ATL2: variants seen among roughly 807,000 people sequenced by gnomAD.
ATL2 encodes atlastin GTPase 2, also known as atlastin-2.
ATL2 carries 31 observed loss-of-function variants against 73.9 expected under a neutral mutation model. That is an observed-to-expected ratio of 0.42 (90% CI 0.32 to 0.57). The LOEUF (loss-of-function observed/expected upper bound fraction) is 0.57. ATL2 is among the 20% of genes least tolerant of loss of function. The pLI is 0.14. For missense variants in ATL2, 738 were observed against 702.6 expected, an observed-to-expected ratio of 1.05 and a Z score of -0.57; for synonymous variants, 291 against 237.5, an observed-to-expected ratio of 1.23 and a Z score of -2.07.
At chr2:38,333,458 C>T (rs184307100) in intron 2 of ATL2, among the ~76,000 whole-genome samples, 11 of 152,122 alleles carry the variant, frequency 7.2e-5, no homozygotes, top group South Asian at 2.1e-4. Context: ...GGCTTAACTC[C>T]CTAAATGTTC....
rs527884308 is a variant in ATL2 at position 38,308,598 on chromosome 2, G to T, written c.1071+781C>A. On this transcript the variant is annotated intron_variant, in intron 9 of 12. Coordinates refer to ENST00000378954, the MANE Select transcript of ATL2 (RefSeq NM_001135673.4). ...ACTATACATTTTAAAATAACAAAGA[G>T]TATAATTGGATTGTCTGTAACATAA... Among the ~76,000 whole-genome samples, 3 of 152,124 alleles carry T rather than the reference G, an allele frequency of 2.0e-5. No homozygotes were observed. In the East Asian group the frequency reaches 5.8e-4, roughly 29 times the overall value.
intron 2 of ATL2, among the ~76,000 whole-genome samples, chr2:38,327,525 A>T (rs573176936): frequency 8.0e-5 from 10 of 124,700 alleles, no homozygotes; most frequent in Non-Finnish European, 1.6e-4. Flanking sequence ...AGGGGAATAT[A>T]AAAAAAAAAA....
At chr2:38,362,506 C>G (rs1330485936) in intron 1 of ATL2, among the ~76,000 whole-genome samples, 1 of 152,274 alleles carries the variant, frequency 6.6e-6, no homozygotes, top group African/African-American at 2.4e-5. Flanking sequence ...GATTCTTAGA[C>G]CCCACCTCCA....
rs79727039 is a variant in ATL2 at position 38,360,238 on chromosome 2, T to C, written c.119-16726A>G. On this transcript the variant is annotated intron_variant, in intron 1 of 12. Transcript: ENST00000378954. Reference sequence around the variant, plus strand: ...GTTAGCTAGTCAGGAGATTCTAGAATAAGCGATGGCTCAGGGGATTCTTTT... The same window carrying C: ...GTTAGCTAGTCAGGAGATTCTAGAACAAGCGATGGCTCAGGGGATTCTTTT... Among the ~76,000 whole-genome samples the C allele has an allele frequency of 6.1e-3, 914 of 150,498 alleles. 9 individuals are homozygous for C. Among genetic ancestry groups the C allele is most frequent in the East Asian group, 0.054 (275 of 5,092 alleles).
intron 2 of ATL2, among the ~76,000 whole-genome samples, chr2:38,325,674 ACACACACACACACACACACACCAG>A (rs1558411867): frequency 1.3e-5 from 1 of 74,834 alleles, no homozygotes; most frequent in Non-Finnish European, 2.2e-5. Context: ...ACACACACAC[ACACACACACACACACACACACCAG>A]TACACACACA....
At chr2:38,318,458 C>A in intron 4 of ATL2, 77 bp downstream of exon 4, 1 of 1,120,566 alleles carries the variant, frequency 8.9e-7, no homozygotes, top group East Asian at 2.5e-5. Context: ...AAGAGTGAAA[C>A]TCTGTCTCAA....
At chr2:38,325,693 CA>C (rs1668591230) in intron 2 of ATL2, among the ~76,000 whole-genome samples, 30 of 60,566 alleles carry the variant, frequency 5.0e-4, no homozygotes, top group South Asian at 6.4e-4. Flanking sequence ...CACACACACA[CA>C]CCAGTACACA....
chr2:38,347,662 C>G (rs1449736375), intron 1 of ATL2, among the ~76,000 whole-genome samples: 1 of 152,116 alleles, frequency 6.6e-6, no homozygotes, highest in Non-Finnish European at 1.5e-5. Flanking sequence ...TCTCTACCAG[C>G]ACCTACAACA....
chr2:38,346,253 C>G (rs965691654), intron 1 of ATL2, among the ~76,000 whole-genome samples: 3 of 152,220 alleles, frequency 2.0e-5, no homozygotes, highest in Non-Finnish European at 4.4e-5. Context: ...GTACCTCACA[C>G]TGTAGCATCT....
intron 7 of ATL2, 117 bp downstream of exon 7, chr2:38,313,034 T>C: frequency 1.5e-6 from 1 of 647,258 alleles, no homozygotes; most frequent in Non-Finnish European, 2.6e-6. Flanking sequence ...TGGGCTAACC[T>C]GGAATACTTT....
intron 1 of ATL2, among the ~76,000 whole-genome samples, chr2:38,375,066 A>C (rs1180798530): frequency 6.6e-6 from 1 of 152,224 alleles, no homozygotes; most frequent in South Asian, 2.1e-4. Flanking sequence ...AAAGCCAATA[A>C]AATGAGTACT....
At chr2:38,371,132 T>C (rs554092544) in intron 1 of ATL2, among the ~76,000 whole-genome samples, 108 of 152,058 alleles carry the variant, frequency 7.1e-4, no homozygotes, top group African/African-American at 2.5e-3. Flanking sequence ...TTTCCTCCTT[T>C]GAGGAGTTTC....
At chr2:38,334,469 A>C (rs569041148) in intron 2 of ATL2, among the ~76,000 whole-genome samples, 1 of 151,780 alleles carries the variant, frequency 6.6e-6, no homozygotes, top group Admixed American at 6.6e-5. Context: ...TGGGAGGCTG[A>C]GGTGGGCGGA....
In ATL2 at chr2:38,300,338, G is replaced by A. The variant is rs945226128; in HGVS notation, c.1072-10C>T. The A allele has an allele frequency of 2.5e-6, 4 of 1,600,748 alleles. No individual in the cohort carries two copies. Among genetic ancestry groups the A allele is most frequent in the Admixed American group, 1.7e-5 (1 of 59,970 alleles). ...AGATTTTGATGTAAGCCTAAAAAGG[G>A]AGAAGATTTGTTAGACTGACGGATT... On this transcript the variant is annotated splice_polypyrimidine_tract_variant and intron_variant, in intron 9 of 12. Transcript: ENST00000378954.
At chr2:38,314,711 G>T in intron 5 of ATL2, 47 bp from the exon 6 acceptor site, 1 of 1,268,910 alleles carries the variant, frequency 7.9e-7, no homozygotes, top group East Asian at 2.4e-5. Flanking sequence ...GAGATTGAAA[G>T]AAGACATGTG....
intron 2 of ATL2, among the ~76,000 whole-genome samples, chr2:38,337,887 A>T (rs958861826): frequency 6.6e-6 from 1 of 152,220 alleles, no homozygotes; most frequent in Non-Finnish European, 1.5e-5. Context: ...AAGAATCCTT[A>T]TCTAGGAGAA....
At chr2:38,346,950 C>G (rs1670049259) in intron 1 of ATL2, among the ~76,000 whole-genome samples, 1 of 152,194 alleles carries the variant, frequency 6.6e-6, no homozygotes, top group Non-Finnish European at 1.5e-5. Context: ...AATAAATTCA[C>G]ACTTACTCCT....
intron 1 of ATL2, among the ~76,000 whole-genome samples, chr2:38,346,794 C>T (rs1053060228): frequency 3.3e-5 from 5 of 152,162 alleles, no homozygotes; most frequent in Admixed American, 2.0e-4. Context: ...CGGACGAGTA[C>T]CAGTCCACGG....
rs371141139 is a variant in ATL2 at position 38,310,456 on chromosome 2, G to A, written c.805-9C>T. On this transcript the variant is annotated splice_polypyrimidine_tract_variant and intron_variant, in intron 7 of 12. Transcript: ENST00000378954. Reference sequence around the variant, plus strand: ...TGTTGATTTTGTTTTACCTGAGGGCGGAGAGAGACAGGTGAAATTGTAAAC... The same window carrying A: ...TGTTGATTTTGTTTTACCTGAGGGCAGAGAGAGACAGGTGAAATTGTAAAC... 29 of 1,579,060 alleles carry A rather than the reference G, an allele frequency of 1.8e-5. No homozygotes were observed. Among genetic ancestry groups the A allele is most frequent in the South Asian group, 3.5e-5 (3 of 85,564 alleles).
Sources: allele counts gnomAD v4.1 joint callset (sites outside exome capture counted in the v4.1 genomes callset), GRCh38; gene constraint gnomAD v4.1.1; transcripts MANE v1.5; gene names NCBI Gene and HGNC (gene_info 2026-07-23, HGNC 2026-07-21).